Variants in NRG3 observed in about 807,000 individuals in gnomAD.
NRG3 encodes the protein pro-neuregulin-3, membrane-bound isoform.
NRG3 carries 31 observed loss-of-function variants against 66.9 expected under a neutral mutation model. That is an observed-to-expected ratio of 0.46 (90% confidence interval 0.35 to 0.63). The LOEUF (loss-of-function observed/expected upper bound fraction) is 0.63. Among genes scored for constraint, NRG3 ranks in the 20% least tolerant of loss-of-function variants. The pLI is 0.00. For missense variants in NRG3, 910 were observed against 878.9 expected (o/e 1.04, Z -0.45); for synonymous variants, 393 against 359.4 (o/e 1.09, Z -1.06).
chr10:82,911,712 T>C (rs954383878), intron 4 of NRG3, among the ~76,000 whole-genome samples: 1 of 151,762 alleles, frequency 6.6e-6, no homozygotes, highest in East Asian at 1.9e-4. Context: ...TCATTAGTTT[T>C]CTTTATTGAT....
chr10:82,376,135 G>C (rs1014528389), intron 2 of NRG3, among the ~76,000 whole-genome samples: 1 of 152,128 alleles, frequency 6.6e-6, no homozygotes, highest in Non-Finnish European at 1.5e-5. Context: ...TTTCTAACAA[G>C]GGTCTGGGTT....
chr10:82,475,849 C>T (rs1444785951), intron 2 of NRG3, among the ~76,000 whole-genome samples: 1 of 152,028 alleles, frequency 6.6e-6, no homozygotes. Context: ...TGAACTACAT[C>T]AAAATTAAAA....
intron 1 of NRG3, among the ~76,000 whole-genome samples, chr10:82,347,411 A>T (rs2083099748): frequency 6.6e-6 from 1 of 152,064 alleles, no homozygotes; most frequent in South Asian, 2.1e-4. Context: ...TTCTAGTTTG[A>T]TTGCACTGTG....
intron 2 of NRG3, among the ~76,000 whole-genome samples, chr10:82,418,774 T>C (rs1209621312): frequency 1.1e-5 from 1 of 89,394 alleles, no homozygotes; most frequent in African/African-American, 6.7e-5. Flanking sequence ...TATTTTTTTC[T>C]TTTTTTTTTG....
chr10:82,801,335 C>T (rs2061028476), intron 3 of NRG3, among the ~76,000 whole-genome samples: 1 of 152,158 alleles, frequency 6.6e-6, no homozygotes, highest in South Asian at 2.1e-4. Context: ...ACTATGAAAA[C>T]TTATAGTTGA....
intron 3 of NRG3, among the ~76,000 whole-genome samples, chr10:82,769,795 T>C (rs924445765): frequency 2.0e-5 from 3 of 152,152 alleles, no homozygotes; most frequent in African/African-American, 7.2e-5. Context: ...CTAAATTGTA[T>C]AAATATAACC....
intron 1 of NRG3, among the ~76,000 whole-genome samples, chr10:81,983,124 CA>C (rs1042328619): frequency 1.3e-5 from 2 of 152,080 alleles, no homozygotes; most frequent in African/African-American, 4.8e-5. Flanking sequence ...TGTACCATAC[CA>C]GGGGAAAGTG....
At chr10:82,480,685 C>T (rs1024619378) in intron 2 of NRG3, among the ~76,000 whole-genome samples, 4 of 152,186 alleles carry the variant, frequency 2.6e-5, no homozygotes, top group African/African-American at 9.7e-5. Flanking sequence ...TCATACAGCC[C>T]GTGCATGGCA....
intron 3 of NRG3, among the ~76,000 whole-genome samples, chr10:82,839,059 A>G (rs533257481): frequency 2.6e-5 from 4 of 152,232 alleles, no homozygotes; most frequent in Non-Finnish European, 4.4e-5. Context: ...ATCCCACTGG[A>G]TCTCTCCCAC....
chr10:82,764,843 T>C (rs1321758453), intron 3 of NRG3, among the ~76,000 whole-genome samples: 1 of 151,882 alleles, frequency 6.6e-6, no homozygotes, highest in Non-Finnish European at 1.5e-5. Flanking sequence ...TGTGTGTGTG[T>C]GAGACAGAGA....
intron 2 of NRG3, among the ~76,000 whole-genome samples, chr10:82,402,895 T>G (rs922045979): frequency 6.6e-6 from 1 of 152,150 alleles, no homozygotes; most frequent in Non-Finnish European, 1.5e-5. Context: ...TTGCTTTTGA[T>G]TTTGACAGAA....
At chr10:82,528,545 A>C (rs1489234911) in intron 2 of NRG3, among the ~76,000 whole-genome samples, 2 of 152,134 alleles carry the variant, frequency 1.3e-5, no homozygotes, top group African/African-American at 4.8e-5. Context: ...ATGACCTTTA[A>C]ATAAAAGACT....
At chr10:82,968,036 A>G (rs1851369024) in intron 6 of NRG3, among the ~76,000 whole-genome samples, 1 of 152,234 alleles carries the variant, frequency 6.6e-6, no homozygotes, top group African/African-American at 2.4e-5. Flanking sequence ...CTGTTTCTCC[A>G]GATTTAAGGT....
chr10:82,831,341 A>T (rs2135674225), intron 3 of NRG3, among the ~76,000 whole-genome samples: 1 of 152,332 alleles, frequency 6.6e-6, no homozygotes, highest in Middle Eastern at 3.4e-3. Flanking sequence ...AAAGCCTATA[A>T]GGAAAAACAT....
At chr10:82,364,162 T>C (rs2084371120) in intron 2 of NRG3, among the ~76,000 whole-genome samples, 1 of 152,194 alleles carries the variant, frequency 6.6e-6, no homozygotes, top group Admixed American at 6.5e-5. Flanking sequence ...ATAGTGTCCT[T>C]GTCTCTTTAA....
chr10:82,678,589 C>A (rs776771211), intron 2 of NRG3, among the ~76,000 whole-genome samples: 1 of 152,160 alleles, frequency 6.6e-6, no homozygotes, highest in Non-Finnish European at 1.5e-5. Flanking sequence ...GGCCTGACAC[C>A]TGGCACTGGC....
intron 1 of NRG3, among the ~76,000 whole-genome samples, chr10:82,057,487 T>C (rs12217544): frequency 0.38 from 58,098 of 151,974 alleles, 11,676 homozygotes; most frequent in South Asian, 0.51. Context: ...TTTTAAATTC[T>C]TTTGATCTTT....
chr10:82,823,758 C>T (rs920314008), intron 3 of NRG3, among the ~76,000 whole-genome samples: 6 of 152,132 alleles, frequency 3.9e-5, no homozygotes. Flanking sequence ...TTCAGAGTAA[C>T]CCCAGGGCTT....
At chr10:82,600,956 T>G (rs889501529) in intron 2 of NRG3, among the ~76,000 whole-genome samples, 1 of 152,026 alleles carries the variant, frequency 6.6e-6, no homozygotes, top group Non-Finnish European at 1.5e-5. Flanking sequence ...CTCCCACCCC[T>G]TTTGGAGTCT....
Sources: allele counts gnomAD v4.1 joint callset (sites outside exome capture counted in the v4.1 genomes callset), GRCh38; gene constraint gnomAD v4.1.1; transcripts MANE v1.5; gene names NCBI Gene and HGNC (gene_info 2026-07-23, HGNC 2026-07-21).